The following TUT7 variants were observed in gnomAD, a reference collection of about 807,000 sequenced individuals.
The protein encoded by TUT7 is terminal uridylyl transferase 7.
A neutral mutation model predicts 165.9 loss-of-function variants in TUT7; 33 were observed. The ratio of observed to expected loss-of-function variants is 0.20; its 90% CI spans 0.15 to 0.27. TUT7 has a LOEUF of 0.27. TUT7 is among the 10% of genes least tolerant of loss of function. The pLI, the probability that TUT7 is intolerant of heterozygous loss-of-function variation, is 1.00. For missense variants in TUT7, 1,338 were observed against 1,762.3 expected (o/e 0.76, Z 4.31); for synonymous variants, 552 against 608.1 (o/e 0.91, Z 1.36).
intron 10 of TUT7, among the ~76,000 whole-genome samples, chr9:86,334,844 T>C (rs928962337): frequency 2.6e-5 from 4 of 152,232 alleles, no homozygotes; most frequent in African/African-American, 9.6e-5. Flanking sequence ...AGAGGACTGA[T>C]TTTTGTCTTA....
chr9:86,303,868 G>A (rs1026808707), intron 24 of TUT7, among the ~76,000 whole-genome samples: 1 of 152,200 alleles, frequency 6.6e-6, no homozygotes, highest in Non-Finnish European at 1.5e-5. Context: ...CACTGGTGTA[G>A]AAGCCACATC....
At chr9:86,325,560 A>G in intron 11 of TUT7, 46 bp from the exon 12 acceptor site, 1 of 1,509,214 alleles carries the variant, frequency 6.6e-7, no homozygotes. Context: ...AGATGTAAGT[A>G]CAATCTGGAA....
chr9:86,303,228 C>A, intron 24 of TUT7, 27 bp from the exon 25 acceptor site: 1 of 1,299,918 alleles, frequency 7.7e-7, no homozygotes, highest in Non-Finnish European at 1.1e-6. Context: ...ATATAAAAGC[C>A]TGAACTATTC....
rs565612266 is a variant in TUT7 at position 86,336,094 on chromosome 9, C to A, written c.1455+1325G>T. 1.1e-4 allele frequency among the ~76,000 whole-genome samples: 16 copies of A among 152,248 alleles called. No individual in the cohort carries two copies. The East Asian group carries it at 2.9e-3, about 28-fold the overall frequency. On this transcript the variant is annotated intron_variant, in intron 10 of 26. Transcript: ENST00000375963. ...TGACTACTTAGAGAAGATCAAGACACATGAAAAAGCAGATCTCATTCAGTA... is the reference window on the plus strand; with the variant it reads ...TGACTACTTAGAGAAGATCAAGACAAATGAAAAAGCAGATCTCATTCAGTA...
At chr9:86,342,848 C>T (rs1222725104) in intron 6 of TUT7, among the ~76,000 whole-genome samples, 1 of 151,898 alleles carries the variant, frequency 6.6e-6, no homozygotes, top group Non-Finnish European at 1.5e-5. Context: ...ATCAGGTGCA[C>T]ATGGTTGAAA....
intron 22 of TUT7, among the ~76,000 whole-genome samples, chr9:86,307,147 A>T (rs1036291718): frequency 3.3e-5 from 5 of 151,934 alleles, no homozygotes; most frequent in East Asian, 3.9e-4. Flanking sequence ...GTGGCACGGC[A>T]CCTGTAATCC....
intron 14 of TUT7, 143 bp from the exon 15 acceptor site, chr9:86,319,813 A>G (rs1587926402): frequency 1.6e-6 from 1 of 636,050 alleles, no homozygotes; most frequent in South Asian, 1.9e-5. Flanking sequence ...CTCAGTAGAT[A>G]GCATTAACAA....
chr9:86,338,959 G>A lies in TUT7; in HGVS notation c.1209-10C>T. The A allele has an allele frequency of 6.4e-7, 1 of 1,567,366 alleles. No individual in the cohort carries two copies. Among genetic ancestry groups the A allele is most frequent in the East Asian group, 2.3e-5 (1 of 43,478 alleles). On this transcript the variant is annotated splice_polypyrimidine_tract_variant and intron_variant, in intron 8 of 26. Coordinates refer to ENST00000375963, the MANE Select transcript of TUT7 (RefSeq NM_024617.4). ...TTTACACAGAAGACCACTGGTGAGA[G>A]GTGGGGGAGGAGGATGGGAAAGAAA...
chr9:86,320,114 A>G (rs1829105233), intron 14 of TUT7, among the ~76,000 whole-genome samples: 1 of 152,178 alleles, frequency 6.6e-6, no homozygotes, highest in South Asian at 2.1e-4. Context: ...CCTGAAAGAC[A>G]CCAGGGTTAC....
intron 26 of TUT7, among the ~76,000 whole-genome samples, chr9:86,298,612 G>C (rs560820891): frequency 5.9e-5 from 9 of 152,298 alleles, no homozygotes; most frequent in African/African-American, 2.2e-4. Flanking sequence ...TAAAGGTAGA[G>C]GATGGGCAAC....
chr9:86,293,599 C>A (rs1350619399), intron 26 of TUT7, among the ~76,000 whole-genome samples: 2 of 152,180 alleles, frequency 1.3e-5, no homozygotes, highest in Non-Finnish European at 2.9e-5. Context: ...CACTGACTCT[C>A]CGGGATTGTC....
rs78649005 is a variant in TUT7, at chr9:86,325,148, G to A, written c.1789+186C>T. Among the ~76,000 whole-genome samples, 13 of 152,316 alleles carry A rather than the reference G, an allele frequency of 8.5e-5. No individual in the cohort carries two copies. The East Asian group carries it at 1.5e-3, about 18-fold the overall frequency. ...TGTTTATACTTTAAAAACCCAGGGTGAACAGTTTGATTCCTTGAAATGACC... is the reference window on the plus strand; with the variant it reads ...TGTTTATACTTTAAAAACCCAGGGTAAACAGTTTGATTCCTTGAAATGACC... On this transcript the variant is annotated intron_variant, in intron 12 of 26. Coordinates refer to ENST00000375963, the MANE Select transcript of TUT7 (RefSeq NM_024617.4).
At chr9:86,341,215 AAGAC>A (rs1328057236) in intron 6 of TUT7, among the ~76,000 whole-genome samples, 162 bp from the exon 7 acceptor site, 3 of 152,352 alleles carry the variant, frequency 2.0e-5, no homozygotes, top group Non-Finnish European at 2.9e-5. Flanking sequence ...ATGTCAGTCA[AAGAC>A]AGACAGATCA....
At chr9:86,328,275 C>G in intron 11 of TUT7, 65 bp downstream of exon 11, 2 of 1,435,912 alleles carry the variant, frequency 1.4e-6, no homozygotes. Context: ...GAAGACAAGA[C>G]TGACTAATCC....
intron 17 of TUT7, among the ~76,000 whole-genome samples, chr9:86,313,025 G>A (rs1257776629): frequency 6.6e-6 from 1 of 151,962 alleles, no homozygotes; most frequent in African/African-American, 2.4e-5. Flanking sequence ...TTGTTCACTT[G>A]TTTATCTGCT....
chr9:86,307,975 CAA>C (rs1827675207), intron 22 of TUT7, among the ~76,000 whole-genome samples: 1 of 152,118 alleles, frequency 6.6e-6, no homozygotes, highest in South Asian at 2.1e-4. Flanking sequence ...GCCTGGGCAA[CAA>C]GAGCGAAACT....
At chr9:86,344,906 A>AT in intron 5 of TUT7, 71 bp downstream of exon 5, 2 of 1,331,046 alleles carry the variant, frequency 1.5e-6, no homozygotes, top group Non-Finnish European at 2.0e-6. Context: ...TTTGATGAAA[A>AT]TTACTATTGG....
chr9:86,304,746 T>C (rs554833341), intron 24 of TUT7, 110 bp downstream of exon 24: 37 of 696,304 alleles, frequency 5.3e-5, no homozygotes, highest in East Asian at 1.7e-4. Context: ...AGTCATTTAC[T>C]TTGGCTAGAC....
intron 22 of TUT7, 60 bp downstream of exon 22, chr9:86,308,369 A>T (rs1254055921): frequency 6.9e-7 from 1 of 1,459,014 alleles, no homozygotes; most frequent in East Asian, 2.3e-5. Context: ...GAGGAAGAAC[A>T]ATGTCCTTAT....
Sources: gnomAD v4.1 joint callset for allele counts (sites outside exome capture counted in the v4.1 genomes callset) on GRCh38, gnomAD v4.1.1 for gene constraint, MANE v1.5 for transcripts, NCBI Gene and HGNC (gene_info 2026-07-23, HGNC 2026-07-21) for gene names.